Variants in USP13 observed in about 807,000 individuals in gnomAD.
USP13 encodes ubiquitin specific peptidase 13, also known as ubiquitin carboxyl-terminal hydrolase 13.
USP13 carries 68 observed loss-of-function variants against 107.8 expected under a neutral mutation model. The observed-to-expected ratio is 0.63, with a 90% CI of 0.52 to 0.77. The LOEUF is 0.77. USP13 is among the 30% of genes least tolerant of loss of function. The probability of loss-of-function intolerance (pLI) is 0.00; values close to 1 mark genes in which losing one functional copy is unlikely to be tolerated. For synonymous variants in USP13, 377 were observed against 389.5 expected (o/e 0.97, Z 0.38); for missense variants, 945 against 1,093.3 (o/e 0.86, Z 1.91).
chr3:179,781,685 T>G (rs1042353553), intron 19 of USP13, 54 bp from the exon 20 acceptor site: 2 of 1,490,116 alleles, frequency 1.3e-6, no homozygotes, highest in African/African-American at 2.8e-5. Flanking sequence ...TAACCAGAAG[T>G]GCTCTTCATT....
intron 1 of USP13, among the ~76,000 whole-genome samples, chr3:179,675,566 G>A (rs1006701191): frequency 4.1e-5 from 5 of 120,858 alleles, no homozygotes; most frequent in Admixed American, 8.1e-5. Context: ...TATTATTATT[G>A]AGATGGAGTC....
rs575632678 is a variant in USP13 at position 179,757,954 on chromosome 3, T to C, written c.1948+876T>C. ...ATAATCTAATTGTAATAGCCACTGC[T>C]AAAGTTTTTGAATGCTTACCATGGA... On this transcript the variant is annotated intron_variant, in intron 16 of 20. Coordinates refer to ENST00000263966, the MANE Select transcript of USP13 (RefSeq NM_003940.3). Among the ~76,000 whole-genome samples, 3 of 152,348 alleles carry C rather than the reference T, an allele frequency of 2.0e-5. No individual in the cohort carries two copies. The South Asian group carries it at 6.2e-4, about 32-fold the overall frequency.
chr3:179,669,463 A>C (rs539932407), intron 1 of USP13, among the ~76,000 whole-genome samples: 1 of 152,102 alleles, frequency 6.6e-6, no homozygotes, highest in African/African-American at 2.4e-5. Flanking sequence ...CGTCTCAAAA[A>C]AAAAAAATTA....
chr3:179,770,556 A>C (rs746250491), intron 19 of USP13, among the ~76,000 whole-genome samples: 1 of 151,376 alleles, frequency 6.6e-6, no homozygotes, highest in Non-Finnish European at 1.5e-5. Flanking sequence ...TTCCCAAGTC[A>C]TTTCTTTTTA....
chr3:179,748,580 T>C (rs1271068307), intron 13 of USP13, among the ~76,000 whole-genome samples: 2 of 152,200 alleles, frequency 1.3e-5, no homozygotes, highest in Non-Finnish European at 2.9e-5. Flanking sequence ...GAACAGACCA[T>C]GTCTGGGAAG....
chr3:179,782,440 G>A (rs73885948), intron 20 of USP13, among the ~76,000 whole-genome samples: 2,009 of 152,228 alleles, frequency 0.013, 53 homozygotes, highest in African/African-American at 0.047. Context: ...GTAGTGAACC[G>A]GAAATGAGAC....
At chr3:179,666,911 T>C (rs1003218791) in intron 1 of USP13, among the ~76,000 whole-genome samples, 6 of 152,210 alleles carry the variant, frequency 3.9e-5, no homozygotes, top group African/African-American at 1.4e-4. Context: ...CACTTACTAC[T>C]TAGTAGCCAT....
chr3:179,685,779 G>A (rs1046165504), intron 2 of USP13, among the ~76,000 whole-genome samples: 2 of 152,100 alleles, frequency 1.3e-5, no homozygotes, highest in African/African-American at 4.8e-5. Flanking sequence ...TTCACTCTCT[G>A]ACCAAAATTT....
intron 13 of USP13, among the ~76,000 whole-genome samples, chr3:179,748,406 T>C (rs1714485683): frequency 6.6e-6 from 1 of 152,242 alleles, no homozygotes; most frequent in South Asian, 2.1e-4. Context: ...TCCAGCAATG[T>C]AGGCTGTGAT....
chr3:179,690,325 T>C (rs1345247449), intron 3 of USP13, 24 bp downstream of exon 3: 5 of 1,607,846 alleles, frequency 3.1e-6, no homozygotes, highest in Non-Finnish European at 4.3e-6. Context: ...AGTAGCATGC[T>C]CAGATTTTGT....
chr3:179,714,152 C>G (rs1341001256), intron 6 of USP13, among the ~76,000 whole-genome samples: 2 of 152,134 alleles, frequency 1.3e-5, no homozygotes, highest in African/African-American at 4.8e-5. Context: ...GTTTTTCTTC[C>G]ATCACAGAAA....
intron 2 of USP13, among the ~76,000 whole-genome samples, chr3:179,685,203 A>G (rs1711828554): frequency 6.7e-6 from 1 of 149,794 alleles, no homozygotes; most frequent in South Asian, 2.1e-4. Context: ...TTTTTTAACC[A>G]TTACTGCCAT....
chr3:179,721,356 TGG>T lies in USP13; in HGVS notation c.901-44_901-43del. On this transcript the variant is annotated intron_variant, in intron 7 of 20. Coordinates refer to ENST00000263966, the MANE Select transcript of USP13 (RefSeq NM_003940.3). The surrounding 1 kb of genome is among the most constrained non-coding windows in gnomAD (Gnocchi z 4.3). ...TAATTAACGGGACATGACCTTTGAA[TGG>T]GAATCACATTTAAAGTTGTTTTTCT... 1 of 1,584,632 alleles carries T rather than the reference TGG, an allele frequency of 6.3e-7. No homozygotes were observed. Among genetic ancestry groups the T allele is most frequent in the Non-Finnish European group, 8.6e-7 (1 of 1,162,122 alleles).
intron 4 of USP13, among the ~76,000 whole-genome samples, chr3:179,706,328 T>C (rs962404354): frequency 2.6e-5 from 4 of 152,232 alleles, no homozygotes; most frequent in African/African-American, 9.7e-5. Context: ...GCAGAGAGTC[T>C]GTTTTCCTCC....
At chr3:179,756,449 A>C (rs541676591) in intron 15 of USP13, among the ~76,000 whole-genome samples, 3 of 149,710 alleles carry the variant, frequency 2.0e-5, no homozygotes, top group African/African-American at 7.6e-5. Flanking sequence ...AACAAACAAA[A>C]AATACAGAGA....
At chr3:179,761,329 A>G in intron 17 of USP13, 74 bp downstream of exon 17, 1 of 1,571,486 alleles carries the variant, frequency 6.4e-7, no homozygotes, top group Non-Finnish European at 8.7e-7. Flanking sequence ...GGTCCTTCCA[A>G]GGTCCCTGTG....
chr3:179,778,072 A>T (rs1715608768), intron 19 of USP13, among the ~76,000 whole-genome samples: 1 of 151,910 alleles, frequency 6.6e-6, no homozygotes, highest in Non-Finnish European at 1.5e-5. Flanking sequence ...CTGATTTCAA[A>T]CCTGGGATTT....
chr3:179,764,203 G>T (rs1309902390), intron 18 of USP13, 35 bp downstream of exon 18: 21 of 1,578,964 alleles, frequency 1.3e-5, no homozygotes, highest in Non-Finnish European at 1.6e-5. Context: ...GTGTGTGTGT[G>T]TGTGTGTGTG....
chr3:179,755,704 C>T (rs922036587), intron 15 of USP13, among the ~76,000 whole-genome samples: 1 of 152,216 alleles, frequency 6.6e-6, no homozygotes, highest in Non-Finnish European at 1.5e-5. Context: ...CTCAGTTATC[C>T]TGATGAAATC....
Sources: allele counts gnomAD v4.1 joint callset (sites outside exome capture counted in the v4.1 genomes callset), GRCh38; gene constraint gnomAD v4.1.1; non-coding constraint Gnocchi (gnomAD v3.1); transcripts MANE v1.5; gene names NCBI Gene and HGNC (gene_info 2026-07-23, HGNC 2026-07-21).